THSD4: variants seen among roughly 807,000 people sequenced by gnomAD.
The protein encoded by THSD4 is thrombospondin type-1 domain-containing protein 4.
A neutral mutation model predicts 119.0 loss-of-function variants in THSD4; 69 were observed. The observed-to-expected ratio is 0.58, with a 90% CI of 0.48 to 0.71. The LOEUF (loss-of-function observed/expected upper bound fraction) is 0.71. THSD4 is among the 30% of genes least tolerant of loss of function. THSD4 has a pLI of 0.00. For synonymous variants in THSD4, 524 were observed against 540.4 expected, an observed-to-expected ratio of 0.97 and a Z score of 0.42; for missense variants, 1,393 against 1,391.1, an observed-to-expected ratio of 1.00 and a Z score of -0.02.
At chr15:71,142,519 A>G (rs1006917623) in intron 2 of THSD4, among the ~76,000 whole-genome samples, 1 of 152,186 alleles carries the variant, frequency 6.6e-6, no homozygotes. Flanking sequence ...GTTTAAATTT[A>G]TAATATTTAT....
intron 3 of THSD4, among the ~76,000 whole-genome samples, chr15:71,166,111 G>A (rs2043292449): frequency 6.6e-6 from 1 of 152,148 alleles, no homozygotes. Context: ...TATGAGCTGG[G>A]TGACTTCACA....
At chr15:71,265,792 T>C (rs1449783886) in intron 6 of THSD4, among the ~76,000 whole-genome samples, 1 of 152,178 alleles carries the variant, frequency 6.6e-6, no homozygotes, top group Non-Finnish European at 1.5e-5. Context: ...CTGCCATTAC[T>C]GAGGCTTGAG....
chr15:71,123,853 C>G (rs2040430626), intron 1 of THSD4, among the ~76,000 whole-genome samples: 1 of 152,186 alleles, frequency 6.6e-6, no homozygotes, highest in Non-Finnish European at 1.5e-5. Flanking sequence ...CAGACTTTTC[C>G]CCCTACAGAA....
At chr15:71,134,364 G>C (rs572799648) in intron 1 of THSD4, among the ~76,000 whole-genome samples, 7 of 152,368 alleles carry the variant, frequency 4.6e-5, no homozygotes, top group Non-Finnish European at 8.8e-5. Context: ...GAGCTCAGGA[G>C]GGTGGGACCT....
chr15:71,392,358 G>A (rs2046389575), intron 6 of THSD4, among the ~76,000 whole-genome samples: 1 of 152,148 alleles, frequency 6.6e-6, no homozygotes. Flanking sequence ...TTGATTCACA[G>A]ACAAATCTTT....
At chr15:71,366,751 AG>A (rs1431001041) in intron 6 of THSD4, among the ~76,000 whole-genome samples, 2 of 152,194 alleles carry the variant, frequency 1.3e-5, no homozygotes, top group Non-Finnish European at 2.9e-5. Flanking sequence ...CCAAGAGAAC[AG>A]TACTCAACAG....
At chr15:71,575,170 T>C (rs1266873042) in intron 7 of THSD4, among the ~76,000 whole-genome samples, 2 of 152,172 alleles carry the variant, frequency 1.3e-5, no homozygotes, top group Non-Finnish European at 2.9e-5. Context: ...CTGGGCTTGT[T>C]TGGTTTTTTC....
At chr15:71,175,900 G>C (rs1431394740) in intron 3 of THSD4, among the ~76,000 whole-genome samples, 1 of 61,884 alleles carries the variant, frequency 1.6e-5, no homozygotes, top group Non-Finnish European at 3.2e-5. Flanking sequence ...CTTCATAAGT[G>C]AAGGAGAAAT....
chr15:71,132,064 A>G (rs1596214601), intron 1 of THSD4, among the ~76,000 whole-genome samples: 1 of 152,208 alleles, frequency 6.6e-6, no homozygotes, highest in Non-Finnish European at 1.5e-5. Context: ...CTAACTAATT[A>G]CTTATCAAAT....
intron 8 of THSD4, among the ~76,000 whole-genome samples, chr15:71,676,955 GGGTATATACCTA>G (rs1406382232): frequency 2.0e-5 from 3 of 152,088 alleles, no homozygotes; most frequent in East Asian, 3.8e-4. Flanking sequence ...CAATTCTTTT[GGGTATATACCTA>G]GGAGTGGAAT....
chr15:71,384,623 A>G (rs1232439439), intron 6 of THSD4, among the ~76,000 whole-genome samples: 2 of 152,182 alleles, frequency 1.3e-5, no homozygotes, highest in African/African-American at 4.8e-5. Context: ...AAAAGAGGCA[A>G]TAAAATTTTT....
At chr15:71,746,553 C>T (rs900584890) in intron 12 of THSD4, among the ~76,000 whole-genome samples, 1 of 152,150 alleles carries the variant, frequency 6.6e-6, no homozygotes, top group Admixed American at 6.5e-5. Flanking sequence ...CACCACCACA[C>T]CCAGCTAACT....
chr15:71,616,262 C>T (rs922227774), intron 7 of THSD4, among the ~76,000 whole-genome samples: 2 of 152,118 alleles, frequency 1.3e-5, no homozygotes, highest in African/African-American at 2.4e-5. Flanking sequence ...TCAGTAAAAA[C>T]CACTAGTATG....
At chr15:71,244,826 A>T (rs1251124303) in intron 5 of THSD4, among the ~76,000 whole-genome samples, 3 of 152,258 alleles carry the variant, frequency 2.0e-5, no homozygotes, top group African/African-American at 7.2e-5. Flanking sequence ...ATTCATTTGT[A>T]ATATACAACA....
Position 71,777,329 on chromosome 15 carries a change from C to T in THSD4, c.3012C>T (p.Cys1004=), listed in dbSNP as rs1278744681. Residue 1004 remains cysteine, a synonymous_variant, in exon 18 of 18, where the codon TGC becomes TGT. Transcript: ENST00000261862. ...ACAAGACCGCCTGCTGTGCCTCCTG[C>T]ACCCGTGTGGCCAACAGGCAGACGG... is the stretch of plus-strand genomic sequence containing the variant. ...NYYKTACCAS[C]TRVANRQTGF... The T allele has an allele frequency of 6.2e-7, 1 of 1,614,102 alleles. No individual in the cohort carries two copies. The highest frequency in any genetic ancestry group is 8.5e-7 in the Non-Finnish European group (1 of 1,180,050).
intron 7 of THSD4, chr15:71,547,182 T>A (rs2048849220): frequency 7.6e-7 from 1 of 1,315,010 alleles, no homozygotes; most frequent in Non-Finnish European, 9.7e-7. Context: ...TCCTGTCCCC[T>A]CCCCCAGCCG....
chr15:71,230,215 C>T (rs1186960042), intron 4 of THSD4, among the ~76,000 whole-genome samples: 2 of 152,136 alleles, frequency 1.3e-5, no homozygotes, highest in Non-Finnish European at 1.5e-5. Flanking sequence ...CATTTGGTCT[C>T]CTCTAACCCC....
chr15:71,347,188 C>T (rs1036368021), intron 6 of THSD4, among the ~76,000 whole-genome samples: 1 of 152,088 alleles, frequency 6.6e-6, no homozygotes, highest in Non-Finnish European at 1.5e-5. Context: ...CTCATTTTCT[C>T]TCTTTCTGCA....
At chr15:71,655,611 A>C (rs1567084424) in intron 7 of THSD4, among the ~76,000 whole-genome samples, 3 of 152,178 alleles carry the variant, frequency 2.0e-5, no homozygotes, top group Non-Finnish European at 4.4e-5. Flanking sequence ...TTTTCCCAAC[A>C]GTCCTAAGGG....
Sources: allele counts gnomAD v4.1 joint callset (sites outside exome capture counted in the v4.1 genomes callset), GRCh38; gene constraint gnomAD v4.1.1; transcripts MANE v1.5; gene names NCBI Gene and HGNC (gene_info 2026-07-23, HGNC 2026-07-21).